Variants in TRANK1 observed in about 807,000 individuals in gnomAD.
TRANK1 encodes tetratricopeptide repeat and ankyrin repeat containing 1.
In TRANK1, 198 loss-of-function variants were observed where a neutral mutation model predicts 266.0. The ratio of observed to expected loss-of-function variants is 0.74; its 90% CI spans 0.66 to 0.84. The LOEUF is 0.84. Among genes scored for constraint, TRANK1 ranks in the 40% least tolerant of loss-of-function variants. The pLI is 0.00. For missense variants in TRANK1, 3,326 were observed against 3,634.6 expected (o/e 0.92, Z 2.18); for synonymous variants, 1,396 against 1,384.1 (o/e 1.01, Z -0.19).
In TRANK1 at chr3:36,838,498, C is replaced by T. The variant is rs2125515585; in HGVS notation, c.5391G>A (p.Lys1797=). The T allele has an allele frequency of 1.2e-6, 2 of 1,614,066 alleles. No homozygotes were observed. Among genetic ancestry groups the T allele is most frequent in the East Asian group, 4.5e-5 (2 of 44,886 alleles). ...MKSKKVSPKE[K]QLEYLELAKT... is the part of the protein sequence containing the mutation. ...TAGCCAATTCCAAATATTCCAACTG[C>T]TTTTCCCTAGGGGAAGGAAAACAAA... Residue 1797 remains lysine (K), a synonymous_variant, in exon 20 of 24, where the codon AAG becomes AAA. Transcript: ENST00000645898.
chr3:36,936,075 C>A (rs987113081), intron 1 of TRANK1, among the ~76,000 whole-genome samples: 2 of 152,146 alleles, frequency 1.3e-5, no homozygotes, highest in African/African-American at 4.8e-5. Context: ...GGTAACATAT[C>A]CCCGTGAGCA....
chr3:36,860,404 G>C (rs939908899), intron 11 of TRANK1, among the ~76,000 whole-genome samples: 1 of 152,176 alleles, frequency 6.6e-6, no homozygotes, highest in Non-Finnish European at 1.5e-5. Context: ...CACACACCCA[G>C]CCACGCATGA....
Position 36,847,201 on chromosome 3 carries a change from T to C in TRANK1, c.5033A>G (p.Lys1678Arg). The C allele has an allele frequency of 3.7e-6, 6 of 1,612,544 alleles. No homozygotes were observed. Among genetic ancestry groups the C allele is most frequent in the Non-Finnish European group, 5.1e-6 (6 of 1,179,134 alleles). Residue 1678 changes from lysine (K) to arginine (R), a missense_variant and splice_region_variant, in exon 16 of 24, where the codon AAG becomes AGG. Lys to Arg is a conservative substitution (Grantham distance 26). Transcript: ENST00000645898. The part of the protein sequence containing the change: ...RSLMVNPEMY[K>R]LLNGELKQLY... Reference sequence around the variant, plus strand: ...TGTTGACAAATGGCAGAAATTCACCTTGTACATTTCTGGATTCACCATGAG... The same window carrying C: ...TGTTGACAAATGGCAGAAATTCACCCTGTACATTTCTGGATTCACCATGAG...
intron 9 of TRANK1, among the ~76,000 whole-genome samples, chr3:36,870,611 G>A (rs2079293433): frequency 6.6e-6 from 1 of 152,066 alleles, no homozygotes; most frequent in Non-Finnish European, 1.5e-5. Flanking sequence ...CCAGTGGCCT[G>A]GAAAACTTTA....
chr3:36,917,196 G>GT (rs1436399588), intron 1 of TRANK1, among the ~76,000 whole-genome samples: 1 of 151,946 alleles, frequency 6.6e-6, no homozygotes, highest in African/African-American at 2.4e-5. Context: ...CCTCCCTGAG[G>GT]ATAACTATTG....
chr3:36,935,828 T>G (rs1306769313), intron 1 of TRANK1, among the ~76,000 whole-genome samples: 1 of 152,214 alleles, frequency 6.6e-6, no homozygotes, highest in African/African-American at 2.4e-5. Flanking sequence ...ATTTGTTGCA[T>G]GAATAAATGA....
At position 36,832,113 on chromosome 3, in the gene TRANK1, C is replaced by T; in HGVS notation, c.7470G>A (p.Glu2490=). The T allele has an allele frequency of 6.2e-7, 1 of 1,613,996 alleles. No homozygotes were observed. The highest frequency in any genetic ancestry group is 8.5e-7 in the Non-Finnish European group (1 of 1,179,888). ...CCTTGTCCTTCTTGCTAAACAGGAA[C>T]TCCCAGTAGTGCAAGAGTGCAATGT... The part of the protein sequence containing the change: ...KSYIALLHYW[E]FLFSKKDKEL... Residue 2490 remains glutamate (E), a synonymous_variant, in exon 22 of 24, where the codon GAG becomes GAA. Coordinates refer to ENST00000645898, the MANE Select transcript of TRANK1 (RefSeq NM_001329998.2).
intron 4 of TRANK1, among the ~76,000 whole-genome samples, chr3:36,896,689 C>T (rs4328757): frequency 0.64 from 96,794 of 152,064 alleles, 31,121 homozygotes; most frequent in African/African-American, 0.71. Flanking sequence ...TCTGACAGAA[C>T]AGTGACATTT....
intron 2 of TRANK1, among the ~76,000 whole-genome samples, chr3:36,905,851 C>T (rs980538805): frequency 3.9e-5 from 6 of 152,190 alleles, no homozygotes. Context: ...CTTTCTCCTG[C>T]AAGTACGCTG....
In TRANK1 at chr3:36,831,565, AG is replaced by A; in HGVS notation, c.8017del (p.Leu2673CysfsTer27). 2.5e-6 allele frequency: 4 copies of A among 1,613,522 alleles called. No homozygotes were observed. Among genetic ancestry groups the A allele is most frequent in the Non-Finnish European group, 2.5e-6 (3 of 1,179,660 alleles). ...GTAGTCCACAGGGTCCAAACAGAGCAGGCGGTTTAGTCTGACCTCCTCATAA... is the reference window on the plus strand; with the variant it reads ...GTAGTCCACAGGGTCCAAACAGAGCAGCGGTTTAGTCTGACCTCCTCATAA... ...LYYEEVRLNR[L>X]LCLDPVDYFA... On this transcript the variant is annotated frameshift_variant, in exon 22 of 24. Coordinates refer to ENST00000645898, the MANE Select transcript of TRANK1 (RefSeq NM_001329998.2). LOFTEE classifies it high-confidence loss of function. The surrounding 1 kb of genome is among the most constrained non-coding windows in gnomAD (Gnocchi z 5.0).
At chr3:36,917,783 G>A (rs1349605740) in intron 1 of TRANK1, among the ~76,000 whole-genome samples, 2 of 152,102 alleles carry the variant, frequency 1.3e-5, no homozygotes, top group African/African-American at 4.8e-5. Flanking sequence ...GGATATTGGG[G>A]AGTAAAAATG....
intron 1 of TRANK1, among the ~76,000 whole-genome samples, chr3:36,909,182 T>C (rs1441218839): frequency 6.6e-6 from 1 of 152,244 alleles, no homozygotes; most frequent in Non-Finnish European, 1.5e-5. Flanking sequence ...CCAAGGGTAT[T>C]TGCCTCTTTC....
In TRANK1 at chr3:36,894,030, A is replaced by T. The variant is rs990067288; in HGVS notation, c.553-1046T>A. ...CCTCGCTGCCCACACTCAACCCCAC[A>T]TGATAAGTTCAGCATTCTAGTGGGC... is the stretch of plus-strand genomic sequence containing the variant. On this transcript the variant is annotated intron_variant, in intron 5 of 23. Transcript: ENST00000645898. Among the ~76,000 whole-genome samples, 3 of 152,196 alleles carry T rather than the reference A, an allele frequency of 2.0e-5. 1 individual carries two copies. The South Asian group carries it at 6.2e-4, about 32-fold the overall frequency.
At chr3:36,852,759 G>A (rs1413442325) in intron 13 of TRANK1, among the ~76,000 whole-genome samples, 3 of 135,518 alleles carry the variant, frequency 2.2e-5, no homozygotes, top group African/African-American at 8.6e-5. Flanking sequence ...GTGACAGAGC[G>A]AGACTCCATC....
intron 9 of TRANK1, among the ~76,000 whole-genome samples, chr3:36,867,780 T>A (rs2079247639): frequency 6.6e-6 from 1 of 152,252 alleles, no homozygotes; most frequent in Non-Finnish European, 1.5e-5. Flanking sequence ...TTTTCAACAA[T>A]GATCACATTT....
chr3:36,828,204 G>T lies in TRANK1; in HGVS notation c.*71C>A. ...CTAATTCACATTCTTTTTGTCTTCT[G>T]CCCCAGCGCTCAGAATTCTAAGTCA... On this transcript the variant is annotated 3_prime_UTR_variant, in exon 24 of 24. Coordinates refer to ENST00000645898, the MANE Select transcript of TRANK1 (RefSeq NM_001329998.2). 4 of 1,128,840 alleles carry T rather than the reference G, an allele frequency of 3.5e-6. No individual in the cohort carries two copies. The highest frequency in any genetic ancestry group is 1.3e-5 in the South Asian group (1 of 74,784). 69.9% of individuals were successfully genotyped at this position (1,128,840 alleles called of 1,614,324 possible). A position where few individuals can be genotyped will look rare whatever the true frequency, so the allele number is the denominator to read the frequency against.
At chr3:36,930,250 A>G (rs978247564) in intron 1 of TRANK1, among the ~76,000 whole-genome samples, 2 of 152,180 alleles carry the variant, frequency 1.3e-5, no homozygotes, top group African/African-American at 4.8e-5. Flanking sequence ...GGGAGGAGTG[A>G]TGAGGAACGT....
At chr3:36,897,026 G>C (rs747138983) in intron 4 of TRANK1, among the ~76,000 whole-genome samples, 23 of 151,830 alleles carry the variant, frequency 1.5e-4, no homozygotes, top group Non-Finnish European at 1.9e-4. Flanking sequence ...GAGAAACCGG[G>C]GGCAGTGGCT....
chr3:36,891,170 T>G (rs2125604355), intron 7 of TRANK1, among the ~76,000 whole-genome samples: 1 of 152,242 alleles, frequency 6.6e-6, no homozygotes, highest in East Asian at 1.9e-4. Context: ...TGAAACCCCA[T>G]GTCTACTAAA....
Sources: gnomAD v4.1 joint callset for allele counts (sites outside exome capture counted in the v4.1 genomes callset) on GRCh38, gnomAD v4.1.1 for gene constraint, Gnocchi (gnomAD v3.1) non-coding constraint, MANE v1.5 for transcripts, NCBI Gene and HGNC (gene_info 2026-07-23, HGNC 2026-07-21) for gene names.